The following TMPO variants were observed in gnomAD, a reference collection of about 807,000 sequenced individuals.
TMPO encodes thymopoietin.
Under a neutral mutation model 45.4 loss-of-function variants are expected in TMPO, and 22 were observed. The observed-to-expected ratio is 0.48, with a 90% confidence interval of 0.35 to 0.69. The LOEUF (loss-of-function observed/expected upper bound fraction) is 0.69, where lower values mean the gene tolerates loss of function less well. TMPO is among the 30% of genes least tolerant of loss of function. The pLI is 0.01. For missense variants in TMPO, 512 were observed against 548.8 expected, an observed-to-expected ratio of 0.93 and a Z score of 0.67; for synonymous variants, 241 against 204.1, an observed-to-expected ratio of 1.18 and a Z score of -1.54.
Position 98,544,364 on chromosome 12 carries a change from A to G in TMPO, c.783+15A>G, listed in dbSNP as rs1371031514. ...CAAGGAAAAGGGTGATGCAAGGCTT[A>G]TTCCTTGGGTTTTCAGATTTGTAGG... On this transcript the variant is annotated intron_variant, in intron 5 of 8. Coordinates refer to ENST00000556029, the MANE Select transcript of TMPO (RefSeq NM_001032283.3). 1.2e-6 allele frequency: 2 copies of G among 1,613,956 alleles called. No homozygotes were observed. The highest frequency in any genetic ancestry group is 2.2e-5 in the South Asian group (2 of 91,076).
intron 7 of TMPO, 127 bp downstream of exon 7, chr12:98,545,188 T>C: frequency 1.5e-6 from 1 of 676,456 alleles, no homozygotes; most frequent in Non-Finnish European, 2.5e-6. Context: ...GGGTGGTGTG[T>C]GTAAATATGC....
chr12:98,516,311 C>G, intron 1 of TMPO, 165 bp downstream of exon 1: 1 of 1,231,932 alleles, frequency 8.1e-7, no homozygotes, highest in Non-Finnish European at 1.0e-6. Context: ...GCTGCAGGCG[C>G]CGGAGCGGAG....
At chr12:98,539,475 T>TTTC (rs1877780487) in intron 4 of TMPO, among the ~76,000 whole-genome samples, 1 of 148,410 alleles carries the variant, frequency 6.7e-6, no homozygotes, top group South Asian at 2.2e-4. Context: ...AAATTACTTT[T>TTTC]TTTTTTTTTT....
intron 3 of TMPO, chr12:98,533,100 G>T (rs746614144): frequency 6.2e-7 from 1 of 1,614,122 alleles, no homozygotes; most frequent in Non-Finnish European, 8.5e-7. Context: ...TTTCATGCAA[G>T]TCTAGCCATG....
intron 3 of TMPO, chr12:98,533,890 T>C: frequency 6.2e-7 from 1 of 1,614,198 alleles, no homozygotes; most frequent in East Asian, 2.2e-5. Flanking sequence ...AGGGTTTATT[T>C]CTGAAGCCAC....
chr12:98,541,392 A>G (rs948880259), intron 4 of TMPO, among the ~76,000 whole-genome samples: 1 of 152,182 alleles, frequency 6.6e-6, no homozygotes, highest in African/African-American at 2.4e-5. Context: ...ATTTTGGGTT[A>G]TGTTATACTT....
Position 98,515,631 on chromosome 12 carries a change from G to T in TMPO, c.-237G>T, listed in dbSNP as rs542918951. ...CTCCTGCCTGTAGTGTGTGGGCTGG[G>T]GTTGGTGCGAGCTTCCAGCTTGGCC... is the stretch of plus-strand genomic sequence containing the variant. On this transcript the variant is annotated 5_prime_UTR_variant, in exon 1 of 9. Transcript: ENST00000556029. 2 of 722,010 alleles carry T rather than the reference G, an allele frequency of 2.8e-6. No homozygotes were observed. Among genetic ancestry groups the T allele is most frequent in the South Asian group, 1.9e-5 (1 of 53,794 alleles). The allele number at this position is 722,010 out of a possible 1,614,324, so 44.7% of individuals were successfully genotyped here. A position where few individuals can be genotyped will look rare whatever the true frequency, so the allele number is the denominator to read the frequency against.
intron 2 of TMPO, among the ~76,000 whole-genome samples, chr12:98,528,363 G>A (rs1162087554): frequency 6.6e-6 from 1 of 150,580 alleles, no homozygotes; most frequent in Non-Finnish European, 1.5e-5. Flanking sequence ...TGCAAGCTCT[G>A]CCTCCCGGGT....
chr12:98,523,978 T>A (rs748664614), intron 1 of TMPO, among the ~76,000 whole-genome samples: 45 of 152,190 alleles, frequency 3.0e-4, no homozygotes, highest in Non-Finnish European at 2.9e-5. Flanking sequence ...TGCCGAGAAT[T>A]GGTTTTTACT....
rs118037198 is a variant in TMPO, at chr12:98,530,485, T to C, written c.407-1195T>C. ...GGACACATGTTGCTTCTAAAAAATA[T>C]CCATTATCATTTTGCTCATCTTACC... On this transcript the variant is annotated intron_variant, in intron 2 of 8. Coordinates refer to ENST00000556029, the MANE Select transcript of TMPO (RefSeq NM_001032283.3). 6.4e-4 allele frequency among the ~76,000 whole-genome samples: 93 copies of C among 144,688 alleles called. No individual in the cohort carries two copies. The East Asian group carries it at 0.017, about 26-fold the overall frequency. The allele number at this position is 144,688 out of a possible 152,430, so 94.9% of individuals were successfully genotyped here.
intron 3 of TMPO, among the ~76,000 whole-genome samples, chr12:98,535,917 T>C (rs749670305): frequency 6.6e-6 from 1 of 152,206 alleles, no homozygotes; most frequent in Non-Finnish European, 1.5e-5. Context: ...TGGTTTTTTT[T>C]ACTTTGTGCT....
intron 4 of TMPO, among the ~76,000 whole-genome samples, chr12:98,541,980 C>T (rs1877940563): frequency 6.6e-6 from 1 of 152,172 alleles, no homozygotes; most frequent in African/African-American, 2.4e-5. Flanking sequence ...TGTACAACTG[C>T]ATTTTATGTG....
At chr12:98,538,162 A>C (rs1418813701) in intron 4 of TMPO, among the ~76,000 whole-genome samples, 1 of 152,154 alleles carries the variant, frequency 6.6e-6, no homozygotes. Context: ...TGACTAACCT[A>C]GTATTGTTTA....
intron 3 of TMPO, chr12:98,534,459 T>G (rs550352458): frequency 3.6e-5 from 55 of 1,548,044 alleles, no homozygotes; most frequent in Non-Finnish European, 4.4e-5. Context: ...ATGTTAAGCT[T>G]CTACCCATCA....
intron 1 of TMPO, among the ~76,000 whole-genome samples, chr12:98,524,589 A>G (rs1876620885): frequency 1.3e-5 from 2 of 152,006 alleles, no homozygotes; most frequent in African/African-American, 2.4e-5. Context: ...AAAGAAAAAA[A>G]AAAAAGAGTT....
intron 3 of TMPO, chr12:98,533,257 A>G (rs1396962281): frequency 6.2e-7 from 1 of 1,613,984 alleles, no homozygotes; most frequent in Admixed American, 1.7e-5. Flanking sequence ...CGGTAGAGAG[A>G]AAAGTGGAAT....
In TMPO at chr12:98,515,660, G is replaced by A. The variant is rs2121090615; in HGVS notation, c.-208G>A. On this transcript the variant is annotated 5_prime_UTR_variant, in exon 1 of 9. Coordinates refer to ENST00000556029, the MANE Select transcript of TMPO (RefSeq NM_001032283.3). ...GGTGCGAGCTTCCAGCTTGGCCGCA[G>A]TTGGTTCGTAGTTCGGCTCTGGGGT... is the stretch of plus-strand genomic sequence containing the variant. 1 of 1,056,872 alleles carries A rather than the reference G, an allele frequency of 9.5e-7. No homozygotes were observed. Among genetic ancestry groups the A allele is most frequent in the Non-Finnish European group, 1.3e-6 (1 of 745,386 alleles). The allele number at this position is 1,056,872 out of a possible 1,614,324, so 65.5% of individuals were successfully genotyped here.
At chr12:98,522,198 A>G (rs1592933081) in intron 1 of TMPO, among the ~76,000 whole-genome samples, 1 of 152,100 alleles carries the variant, frequency 6.6e-6, no homozygotes, top group Non-Finnish European at 1.5e-5. Flanking sequence ...TAAAATTTTT[A>G]TAGAGATAGT....
In TMPO at chr12:98,546,060, C is replaced by A. The variant is rs11109525; in HGVS notation, c.991-299C>A. Among the ~76,000 whole-genome samples, 14,173 of 152,132 alleles carry A rather than the reference C, an allele frequency of 0.093. 905 individuals carry two copies. Among genetic ancestry groups the A allele is most frequent in the Non-Finnish European group, 0.15 (9,975 of 67,922 alleles). ...ACAATATACTCTTAATAGTAAAAAA[C>A]AAAATCAATGAGGGAATTAGCATTG... On this transcript the variant is annotated intron_variant, in intron 7 of 8. Coordinates refer to ENST00000556029, the MANE Select transcript of TMPO (RefSeq NM_001032283.3).
Sources: allele counts gnomAD v4.1 joint callset (sites outside exome capture counted in the v4.1 genomes callset), GRCh38; gene constraint gnomAD v4.1.1; transcripts MANE v1.5; gene names NCBI Gene and HGNC (gene_info 2026-07-23, HGNC 2026-07-21).